Variants in CASQ2 observed in about 807,000 individuals in gnomAD.
The protein encoded by CASQ2 is calsequestrin 2.
In CASQ2, 49 loss-of-function variants were observed where a neutral mutation model predicts 46.5. The ratio of observed to expected loss-of-function variants is 1.05; its 90% CI spans 0.84 to 1.34. The LOEUF (loss-of-function observed/expected upper bound fraction) is 1.34. CASQ2 is among the 40% of genes most tolerant of loss of function. The pLI is 0.00. For synonymous variants in CASQ2, 174 were observed against 168.5 expected (o/e 1.03, Z -0.25); for missense variants, 486 against 481.3 (o/e 1.01, Z -0.09).
chr1:115,723,912 A>T (rs993425992), intron 7 of CASQ2, among the ~76,000 whole-genome samples: 10 of 152,162 alleles, frequency 6.6e-5, no homozygotes, highest in Non-Finnish European at 1.3e-4. Flanking sequence ...AGTTGTTATT[A>T]AATAGTCCGC....
intron 1 of CASQ2, among the ~76,000 whole-genome samples, chr1:115,755,555 G>C (rs1181961269): frequency 6.6e-6 from 1 of 152,198 alleles, no homozygotes; most frequent in Non-Finnish European, 1.5e-5. Context: ...AGTGCAATAA[G>C]CAGAAAAGGA....
At chr1:115,715,936 G>A (rs932983250) in intron 8 of CASQ2, among the ~76,000 whole-genome samples, 4 of 152,148 alleles carry the variant, frequency 2.6e-5, no homozygotes, top group African/African-American at 7.2e-5. Context: ...TGAAAAAGGC[G>A]ATCTGTTCAC....
intron 7 of CASQ2, among the ~76,000 whole-genome samples, chr1:115,723,196 T>C (rs369491327): frequency 1.3e-5 from 2 of 152,184 alleles, no homozygotes; most frequent in Non-Finnish European, 2.9e-5. Flanking sequence ...ATTTGAATAA[T>C]GGTAGTAGAC....
At chr1:115,704,775 A>G (rs1481490491) in intron 9 of CASQ2, among the ~76,000 whole-genome samples, 1 of 152,180 alleles carries the variant, frequency 6.6e-6, no homozygotes, top group Non-Finnish European at 1.5e-5. Flanking sequence ...TTCTCTCCAC[A>G]AAGTTCTGAA....
intron 3 of CASQ2, 118 bp downstream of exon 3, chr1:115,740,610 G>C: frequency 1.4e-6 from 1 of 717,546 alleles, no homozygotes; most frequent in Non-Finnish European, 2.5e-6. Flanking sequence ...TGTGAATCCT[G>C]AAAAACCTGT....
chr1:115,716,415 C>T (rs1310891022), intron 8 of CASQ2, among the ~76,000 whole-genome samples: 1 of 152,168 alleles, frequency 6.6e-6, no homozygotes, highest in Non-Finnish European at 1.5e-5. Flanking sequence ...ACTTCATTTC[C>T]TAAGCACAGA....
chr1:115,709,003 C>T (rs1019492564), intron 8 of CASQ2, among the ~76,000 whole-genome samples: 1 of 152,234 alleles, frequency 6.6e-6, no homozygotes, highest in East Asian at 1.9e-4. Flanking sequence ...AATTCCTTTG[C>T]TTTTAAGGCA....
rs74114618 is a variant in CASQ2 at position 115,768,344 on chromosome 1, C to T, written c.198G>A (p.Thr66=). 694 of 1,613,688 alleles carry T rather than the reference C, an allele frequency of 4.3e-4. 3 individuals carry two copies. In the African/African-American group the frequency reaches 8.5e-3, roughly 20 times the overall value. ...YHEPVSSDKV[T]QKQFQLKEIV... ...TTTCTTTCAGTTGGAACTGTTTTTG[C>T]GTGACCTTATCTGAAGACACCGGCT... Residue 66 remains threonine, a synonymous_variant, in exon 1 of 11, where the codon ACG becomes ACA. Transcript: ENST00000261448.
At chr1:115,738,152 TGG>T (rs920608284) in intron 4 of CASQ2, 70 bp downstream of exon 4, 1 of 901,130 alleles carries the variant, frequency 1.1e-6, no homozygotes, top group Non-Finnish European at 1.9e-6. Context: ...CATCCTCTTT[TGG>T]GGTAACCTGA....
chr1:115,734,746 C>T (rs1482729294), intron 4 of CASQ2, among the ~76,000 whole-genome samples: 1 of 152,166 alleles, frequency 6.6e-6, no homozygotes, highest in Admixed American at 6.6e-5. Flanking sequence ...ATTTTCTCTC[C>T]TTTCTTCCCC....
At chr1:115,755,373 A>G (rs1648723228) in intron 1 of CASQ2, among the ~76,000 whole-genome samples, 1 of 152,152 alleles carries the variant, frequency 6.6e-6, no homozygotes, top group African/African-American at 2.4e-5. Context: ...AAAGTTTCAC[A>G]TGATACTCAG....
In CASQ2 at chr1:115,701,110, G is replaced by C; in HGVS notation, c.*131C>G. ...ATGCTGCTCCTGACGCAAAGGGAGT[G>C]GGAAAAGAGATGATGGAAAAGGGAA... is the stretch of plus-strand genomic sequence containing the variant. On this transcript the variant is annotated 3_prime_UTR_variant, in exon 11 of 11. Coordinates refer to ENST00000261448, the MANE Select transcript of CASQ2 (RefSeq NM_001232.4). 7.2e-7 allele frequency: 1 copy of C among 1,389,880 alleles called. No individual in the cohort carries two copies. Among genetic ancestry groups the C allele is most frequent in the Non-Finnish European group, 1.0e-6 (1 of 979,222 alleles). 86.1% of individuals were successfully genotyped at this position (1,389,880 alleles called of 1,614,324 possible).
In CASQ2 at chr1:115,725,554, C is replaced by G; in HGVS notation, c.738-1G>C. On this transcript the variant is annotated splice_acceptor_variant, in intron 6 of 10. Transcript: ENST00000261448. LOFTEE classifies it high-confidence loss of function. ...TGGGCGCAGGCGACGTAGAGTGGGT[C>G]TGGAAAAAAAAAAAAAAAAAAAAAA... 9.2e-7 allele frequency: 1 copy of G among 1,090,222 alleles called. No individual in the cohort carries two copies. Among genetic ancestry groups the G allele is most frequent in the Non-Finnish European group, 1.3e-6 (1 of 780,364 alleles). The allele number at this position is 1,090,222 out of a possible 1,614,324, so 67.5% of individuals were successfully genotyped here. A position where few individuals can be genotyped will look rare whatever the true frequency, so the allele number is the denominator to read the frequency against.
intron 9 of CASQ2, among the ~76,000 whole-genome samples, chr1:115,704,002 A>C (rs1654289661): frequency 6.6e-6 from 1 of 152,098 alleles, no homozygotes; most frequent in Non-Finnish European, 1.5e-5. Context: ...TAGAAACACA[A>C]CCAGGCAGAA....
At chr1:115,734,162 C>G (rs530953024) in intron 4 of CASQ2, among the ~76,000 whole-genome samples, 11 of 152,178 alleles carry the variant, frequency 7.2e-5, no homozygotes, top group Non-Finnish European at 1.3e-4. Context: ...TATCCTGTAA[C>G]ATCATAGCTG....
intron 5 of CASQ2, among the ~76,000 whole-genome samples, chr1:115,730,286 T>C (rs1570821446): frequency 6.6e-6 from 1 of 152,202 alleles, no homozygotes; most frequent in Admixed American, 6.5e-5. Flanking sequence ...CAAATTTACA[T>C]CAGCAGCCAT....
chr1:115,755,835 C>T (rs1432444366), intron 1 of CASQ2, among the ~76,000 whole-genome samples: 1 of 152,194 alleles, frequency 6.6e-6, no homozygotes, highest in Non-Finnish European at 1.5e-5. Context: ...AAGCACTCAG[C>T]CTTGAGGAGC....
chr1:115,754,997 G>A (rs1399153737), intron 1 of CASQ2, among the ~76,000 whole-genome samples: 1 of 152,202 alleles, frequency 6.6e-6, no homozygotes. Flanking sequence ...TGGGACCCAA[G>A]AATTTGCATT....
At chr1:115,733,045 G>A in intron 4 of CASQ2, 71 bp from the exon 5 acceptor site, 2 of 1,105,408 alleles carry the variant, frequency 1.8e-6, no homozygotes, top group Non-Finnish European at 2.8e-6. Context: ...CTTTTTAAAT[G>A]GTGTAGAGAG....
Sources: gnomAD v4.1 joint callset for allele counts (sites outside exome capture counted in the v4.1 genomes callset) on GRCh38, gnomAD v4.1.1 for gene constraint, MANE v1.5 for transcripts, NCBI Gene and HGNC (gene_info 2026-07-23, HGNC 2026-07-21) for gene names.